The following ERBB4 variants were observed in gnomAD, a reference collection of about 807,000 sequenced individuals.
ERBB4 encodes receptor tyrosine-protein kinase erbB-4.
A neutral mutation model predicts 158.0 loss-of-function variants in ERBB4; 42 were observed. That is an observed-to-expected ratio of 0.27 (90% CI 0.21 to 0.34). The LOEUF (loss-of-function observed/expected upper bound fraction) is 0.34. ERBB4 is among the 10% of genes least tolerant of loss of function. The probability of loss-of-function intolerance (pLI) is 1.00; values close to 1 mark genes in which losing one functional copy is unlikely to be tolerated. For missense variants in ERBB4, 1,333 were observed against 1,624.1 expected, an observed-to-expected ratio of 0.82 and a Z score of 3.08; for synonymous variants, 583 against 558.7, an observed-to-expected ratio of 1.04 and a Z score of -0.61.
At chr2:211,624,273 C>T (rs1469622046) in intron 17 of ERBB4, among the ~76,000 whole-genome samples, 2 of 152,088 alleles carry the variant, frequency 1.3e-5, no homozygotes. Context: ...TTTGTCAGGG[C>T]AAACACAAGT....
At chr2:212,445,962 A>G (rs1220772677) in intron 1 of ERBB4, among the ~76,000 whole-genome samples, 1 of 152,204 alleles carries the variant, frequency 6.6e-6, no homozygotes, top group Non-Finnish European at 1.5e-5. Flanking sequence ...CTAAGAAAAT[A>G]TCTTCATTTT....
chr2:211,936,416 G>A lies in ERBB4; in HGVS notation c.421+11014C>T, dbSNP rs563771747. The stretch of plus-strand genomic sequence containing the variant: ...CTCTTAGAAGGAAGAAAAAAGTTAT[G>A]GATCACCATTTTTCACTTTTTTCTT... On this transcript the variant is annotated intron_variant, in intron 3 of 27. Transcript: ENST00000342788. 4.0e-5 allele frequency among the ~76,000 whole-genome samples: 6 copies of A among 151,784 alleles called. No homozygotes were observed. The East Asian group carries it at 7.8e-4, about 20-fold the overall frequency.
intron 1 of ERBB4, among the ~76,000 whole-genome samples, chr2:212,430,963 T>C (rs1043270224): frequency 2.0e-5 from 3 of 152,100 alleles, no homozygotes; most frequent in African/African-American, 7.2e-5. Flanking sequence ...CCTGGTCACA[T>C]TGATGTAAAT....
At chr2:212,288,318 G>A (rs2086075271) in intron 1 of ERBB4, among the ~76,000 whole-genome samples, 1 of 152,134 alleles carries the variant, frequency 6.6e-6, no homozygotes, top group Admixed American at 6.5e-5. Flanking sequence ...ATAGGTTAGT[G>A]TTTCAAGGAG....
chr2:212,407,804 TTAA>T (rs1313549138), intron 1 of ERBB4, among the ~76,000 whole-genome samples: 1 of 152,052 alleles, frequency 6.6e-6, no homozygotes, highest in African/African-American at 2.4e-5. Flanking sequence ...ACTATTCTAG[TTAA>T]TAATTTATAA....
intron 20 of ERBB4, among the ~76,000 whole-genome samples, chr2:211,451,196 G>A (rs2064237174): frequency 6.6e-6 from 1 of 152,146 alleles, no homozygotes; most frequent in African/African-American, 2.4e-5. Context: ...TTCAAATATG[G>A]AATGACTGTC....
intron 2 of ERBB4, among the ~76,000 whole-genome samples, chr2:211,978,396 G>GTCTGTCTGTCTGTCTATCTATCTA (rs77259627): frequency 1.2e-4 from 16 of 136,650 alleles, no homozygotes; most frequent in African/African-American, 3.7e-4. Context: ...CTGTCTGTCT[G>GTCTGTCTGTCTGTCTATCTATCTA]TCTATCTATC....
intron 1 of ERBB4, among the ~76,000 whole-genome samples, chr2:212,177,959 AGT>A (rs5838302): frequency 0.49 from 73,368 of 149,222 alleles, 18,450 homozygotes; most frequent in Non-Finnish European, 0.53. Flanking sequence ...TGTGAGTGTG[AGT>A]GTGTGTGTGT....
intron 17 of ERBB4, among the ~76,000 whole-genome samples, chr2:211,628,171 T>C (rs2069935581): frequency 6.6e-6 from 1 of 152,144 alleles, no homozygotes; most frequent in Non-Finnish European, 1.5e-5. Context: ...ATTCTTTTTT[T>C]TTTTTAATTA....
At chr2:212,186,746 TA>T (rs952205841) in intron 1 of ERBB4, among the ~76,000 whole-genome samples, 1 of 152,188 alleles carries the variant, frequency 6.6e-6, no homozygotes, top group Non-Finnish European at 1.5e-5. Flanking sequence ...AGGTTTGTTT[TA>T]TTTTTTTTAA....
At chr2:211,820,110 CAG>C (rs2076962783) in intron 3 of ERBB4, among the ~76,000 whole-genome samples, 1 of 151,694 alleles carries the variant, frequency 6.6e-6, no homozygotes, top group Admixed American at 6.6e-5. Context: ...GGTACATAAA[CAG>C]ATAATTCAAA....
chr2:212,135,352 G>C (rs1284188147), intron 1 of ERBB4, among the ~76,000 whole-genome samples: 2 of 152,088 alleles, frequency 1.3e-5, no homozygotes, highest in Non-Finnish European at 2.9e-5. Context: ...CCTTGATATA[G>C]TCTTCCCAAT....
chr2:212,418,511 C>CTAAAA (rs908285177), intron 1 of ERBB4, among the ~76,000 whole-genome samples: 6 of 148,674 alleles, frequency 4.0e-5, no homozygotes, highest in African/African-American at 1.2e-4. Context: ...GTCTGCCTTG[C>CTAAAA]TAAAATAAAA....
At chr2:212,382,696 G>A (rs1274184554) in intron 1 of ERBB4, among the ~76,000 whole-genome samples, 2 of 150,766 alleles carry the variant, frequency 1.3e-5, no homozygotes, top group East Asian at 1.9e-4. Context: ...GAATAACAGC[G>A]GTATTTTTTC....
At chr2:212,426,373 T>C (rs770638553) in intron 1 of ERBB4, 1 of 427,928 alleles carries the variant, frequency 2.3e-6, no homozygotes, top group South Asian at 1.9e-5. Flanking sequence ...AAGATGGTGG[T>C]TATACAAATT....
intron 20 of ERBB4, among the ~76,000 whole-genome samples, chr2:211,436,369 G>T (rs1351056968): frequency 6.6e-6 from 1 of 151,940 alleles, no homozygotes; most frequent in African/African-American, 2.4e-5. Context: ...AGATTCTGTG[G>T]TCAATTGCCT....
intron 1 of ERBB4, among the ~76,000 whole-genome samples, chr2:212,399,221 G>A (rs1164185655): frequency 1.3e-5 from 2 of 151,916 alleles, no homozygotes; most frequent in African/African-American, 2.4e-5. Flanking sequence ...GGGATTATAG[G>A]TGCGAGCCAC....
intron 25 of ERBB4, among the ~76,000 whole-genome samples, chr2:211,392,860 T>C (rs1052783727): frequency 6.6e-5 from 10 of 152,080 alleles, no homozygotes; most frequent in Non-Finnish European, 1.5e-4. Context: ...TTTCACTATC[T>C]TGGCCAGGCT....
rs938871788 is a variant in ERBB4, at chr2:212,136,396, G to A, written c.83-11493C>T. Among the ~76,000 whole-genome samples, 6 of 152,126 alleles carry A rather than the reference G, an allele frequency of 3.9e-5. No individual in the cohort carries two copies. The East Asian group carries it at 9.6e-4, about 24-fold the overall frequency. ...TGTTCAATCAGCTTACACTAGAAAC[G>A]GGAAAAAATGAGAAATAGCAAGAGT... On this transcript the variant is annotated intron_variant, in intron 1 of 27. Transcript: ENST00000342788.
Sources: allele counts gnomAD v4.1 joint callset (sites outside exome capture counted in the v4.1 genomes callset), GRCh38; gene constraint gnomAD v4.1.1; transcripts MANE v1.5; gene names NCBI Gene and HGNC (gene_info 2026-07-23, HGNC 2026-07-21).